The following NAV3 variants were observed in gnomAD, a reference collection of about 807,000 sequenced individuals.
NAV3 encodes pore membrane and/or filament interacting like protein 1.
A neutral mutation model predicts 244.7 loss-of-function variants in NAV3; 87 were observed. The observed-to-expected ratio is 0.36, with a 90% CI of 0.30 to 0.42. The LOEUF (loss-of-function observed/expected upper bound fraction) is 0.42, where lower values mean the gene tolerates loss of function less well. Among genes scored for constraint, NAV3 ranks in the 20% least tolerant of loss-of-function variants. The pLI is 1.00. For missense variants in NAV3, 2,663 were observed against 2,893.3 expected (o/e 0.92, Z 1.83); for synonymous variants, 1,126 against 1,042.2 (o/e 1.08, Z -1.55).
intron 1 of NAV3, among the ~76,000 whole-genome samples, chr12:77,843,297 CA>C (rs892892078): frequency 4.0e-5 from 6 of 150,392 alleles, no homozygotes; most frequent in Admixed American, 2.7e-4. Flanking sequence ...TATTGTATTA[CA>C]AAAAAAAAGA....
intron 1 of NAV3, among the ~76,000 whole-genome samples, chr12:77,933,736 G>A (rs1889053409): frequency 6.6e-6 from 1 of 152,158 alleles, no homozygotes; most frequent in African/African-American, 2.4e-5. Context: ...TTTCTAGAAG[G>A]CCTACAAGAG....
At chr12:77,913,499 C>T (rs1056950706) in intron 1 of NAV3, among the ~76,000 whole-genome samples, 4 of 152,030 alleles carry the variant, frequency 2.6e-5, no homozygotes, top group African/African-American at 9.7e-5. Context: ...GTGGCGCAAT[C>T]TCGATTCACT....
intron 2 of NAV3, among the ~76,000 whole-genome samples, chr12:77,672,750 G>C (rs565813387): frequency 1.3e-5 from 2 of 151,978 alleles, no homozygotes; most frequent in Admixed American, 6.6e-5. Context: ...TCAGGTGACA[G>C]GTGCACCAAA....
intron 2 of NAV3, among the ~76,000 whole-genome samples, chr12:77,672,539 A>T (rs1336236776): frequency 6.6e-6 from 1 of 151,738 alleles, no homozygotes; most frequent in Non-Finnish European, 1.5e-5. Context: ...AAAGGTGATA[A>T]GTGTGTGTGT....
At chr12:77,777,877 C>A (rs957948890) in intron 2 of NAV3, among the ~76,000 whole-genome samples, 14 of 151,636 alleles carry the variant, frequency 9.2e-5, no homozygotes, top group Non-Finnish European at 2.1e-4. Flanking sequence ...ACGATGTCAG[C>A]TCACTGCAAC....
chr12:77,761,515 C>T (rs1434117807), intron 2 of NAV3, among the ~76,000 whole-genome samples: 12 of 152,076 alleles, frequency 7.9e-5, no homozygotes, highest in Admixed American at 1.3e-4. Flanking sequence ...AGAAAATTTT[C>T]GCAATCTATC....
At chr12:77,948,374 A>G (rs1890558261) in intron 3 of NAV3, among the ~76,000 whole-genome samples, 1 of 151,960 alleles carries the variant, frequency 6.6e-6, no homozygotes, top group Non-Finnish European at 1.5e-5. Context: ...TTTGAAGAGA[A>G]GAAATAATTT....
At chr12:77,684,618 C>T (rs556042119) in intron 2 of NAV3, among the ~76,000 whole-genome samples, 1 of 152,162 alleles carries the variant, frequency 6.6e-6, no homozygotes, top group Admixed American at 6.5e-5. Flanking sequence ...CCACCATGCC[C>T]AGCCTACTTT....
chr12:77,941,130 G>A lies in NAV3; in HGVS notation c.411G>A (p.Gln137=). The A allele has an allele frequency of 1.3e-6, 2 of 1,554,136 alleles. No individual in the cohort carries two copies. Among genetic ancestry groups the A allele is most frequent in the Non-Finnish European group, 1.8e-6 (2 of 1,134,362 alleles). Reference sequence around the variant, plus strand: ...ATGGATGTCCTAGAAGTCAGTCTCAGATGGTAAGAATCATATTTATTCTCA... The same window carrying A: ...ATGGATGTCCTAGAAGTCAGTCTCAAATGGTAAGAATCATATTTATTCTCA... ...DINGCPRSQS[Q]MIENVDVCLS... is the part of the protein sequence containing the mutation. The change falls in exon 3 of 40, where the codon CAG becomes CAA. Residue 137 remains glutamine, a synonymous_variant. Coordinates refer to ENST00000397909, the MANE Select transcript of NAV3 (RefSeq NM_001024383.2).
chr12:77,737,910 T>C (rs1303438828), intron 2 of NAV3, among the ~76,000 whole-genome samples: 8 of 152,200 alleles, frequency 5.3e-5, no homozygotes, highest in African/African-American at 1.9e-4. Context: ...GTTTCCTTTT[T>C]GGTGACAAAT....
At chr12:78,195,140 A>G (rs1346045519) in intron 34 of NAV3, among the ~76,000 whole-genome samples, 2 of 152,044 alleles carry the variant, frequency 1.3e-5, no homozygotes, top group African/African-American at 4.8e-5. Flanking sequence ...TACTGAAAAC[A>G]AAGAAGCAAA....
rs562911892 is a variant in NAV3 at position 77,931,627 on chromosome 12, G to A, written c.244-8692G>A. Among the ~76,000 whole-genome samples the A allele has an allele frequency of 1.6e-4, 24 of 152,192 alleles. No individual in the cohort carries two copies. In the East Asian group the frequency reaches 4.3e-3, roughly 27 times the overall value. ...CACTCCTGTAATCCCAGCACTTTGG[G>A]AGGCCCAGGCAGGCGGATCACAAGG... is the stretch of plus-strand genomic sequence containing the variant. On this transcript the variant is annotated intron_variant, in intron 1 of 39. Coordinates refer to ENST00000397909, the MANE Select transcript of NAV3 (RefSeq NM_001024383.2).
intron 2 of NAV3, among the ~76,000 whole-genome samples, chr12:77,684,744 C>T (rs998288497): frequency 4.6e-5 from 7 of 151,976 alleles, no homozygotes; most frequent in African/African-American, 1.5e-4. Flanking sequence ...TTATATAACT[C>T]ATTGCCAAGA....
rs1958060615 is a variant in NAV3, at chr12:78,172,825, A to T, written c.4982-2481A>T. 2.0e-5 allele frequency among the ~76,000 whole-genome samples: 3 copies of T among 151,660 alleles called. No homozygotes were observed. The Admixed American group carries it at 2.0e-4, about 10-fold the overall frequency. Reference sequence around the variant, plus strand: ...TACTGAAGGATTGTAGGCCATATTTAGAAGTTGGATTTTTTATCTATTCTT... The same window carrying T: ...TACTGAAGGATTGTAGGCCATATTTTGAAGTTGGATTTTTTATCTATTCTT... On this transcript the variant is annotated intron_variant, in intron 24 of 39. Transcript: ENST00000397909.
chr12:77,613,305 C>T (rs554657227), intron 2 of NAV3, among the ~76,000 whole-genome samples: 15 of 152,236 alleles, frequency 9.9e-5, no homozygotes, highest in Admixed American at 5.9e-4. Flanking sequence ...CAGAACTCAA[C>T]AACTTTTATT....
At chr12:77,937,638 G>T (rs1041099378) in intron 1 of NAV3, among the ~76,000 whole-genome samples, 1 of 152,180 alleles carries the variant, frequency 6.6e-6, no homozygotes, top group Non-Finnish European at 1.5e-5. Context: ...AGATTTCCCT[G>T]AGTTCAGATG....
At chr12:77,745,987 G>GT (rs1451328534) in intron 2 of NAV3, among the ~76,000 whole-genome samples, 3 of 58,380 alleles carry the variant, frequency 5.1e-5, no homozygotes, top group Admixed American at 1.6e-4. Context: ...AAGACTTAAG[G>GT]TAAAAAAAAA....
chr12:77,725,634 GAA>G (rs907666694), intron 2 of NAV3, among the ~76,000 whole-genome samples: 1 of 145,010 alleles, frequency 6.9e-6, no homozygotes. Context: ...ATTTGGAAAG[GAA>G]AAAAAAAAAG....
chr12:77,660,559 C>A (rs1302741953), intron 2 of NAV3, among the ~76,000 whole-genome samples: 1 of 152,058 alleles, frequency 6.6e-6, no homozygotes, highest in East Asian at 1.9e-4. Context: ...ACAAAATTCA[C>A]TATTATTAGT....
Sources: allele counts gnomAD v4.1 joint callset (sites outside exome capture counted in the v4.1 genomes callset), GRCh38; gene constraint gnomAD v4.1.1; transcripts MANE v1.5; gene names NCBI Gene and HGNC (gene_info 2026-07-23, HGNC 2026-07-21).